The following NTM variants were observed in gnomAD, a reference collection of about 807,000 sequenced individuals.
NTM encodes IgLON family member 2.
Under a neutral mutation model 42.1 loss-of-function variants are expected in NTM, and 13 were observed. The ratio of observed to expected loss-of-function variants is 0.31; its 90% CI spans 0.20 to 0.49. The LOEUF (loss-of-function observed/expected upper bound fraction) is 0.49, where lower values mean the gene tolerates loss of function less well. Among genes scored for constraint, NTM ranks in the 20% least tolerant of loss-of-function variants. The pLI is 0.99. For synonymous variants in NTM, 187 were observed against 179.2 expected (o/e 1.04, Z -0.35); for missense variants, 373 against 452.8 (o/e 0.82, Z 1.60).
intron 1 of NTM, among the ~76,000 whole-genome samples, chr11:131,694,961 G>T (rs1038486808): frequency 6.6e-6 from 1 of 152,158 alleles, no homozygotes; most frequent in Non-Finnish European, 1.5e-5. Context: ...AGCCCCAGCA[G>T]AGGGGCAGTC....
chr11:132,278,877 C>T (rs1366409153), intron 4 of NTM, among the ~76,000 whole-genome samples: 2 of 151,906 alleles, frequency 1.3e-5, no homozygotes, highest in Non-Finnish European at 2.9e-5. Flanking sequence ...TTCATTCAAC[C>T]CCGCAGCTAT....
chr11:132,040,476 C>T (rs1474650616), intron 2 of NTM, among the ~76,000 whole-genome samples: 1 of 152,158 alleles, frequency 6.6e-6, no homozygotes, highest in Non-Finnish European at 1.5e-5. Flanking sequence ...CCTCAGCACA[C>T]CTGAAGGCAT....
chr11:131,673,759 T>C (rs2070841280), intron 1 of NTM, among the ~76,000 whole-genome samples: 1 of 152,168 alleles, frequency 6.6e-6, no homozygotes, highest in Non-Finnish European at 1.5e-5. Flanking sequence ...CCCTCCACTC[T>C]CTCGGCTCTC....
chr11:132,065,681 T>C (rs930875073), intron 2 of NTM, among the ~76,000 whole-genome samples: 11 of 152,230 alleles, frequency 7.2e-5, no homozygotes, highest in African/African-American at 2.2e-4. Context: ...AAATGAAAGA[T>C]GATAAATCAT....
intron 1 of NTM, among the ~76,000 whole-genome samples, chr11:131,409,601 G>A (rs968327126): frequency 2.0e-5 from 3 of 152,254 alleles, no homozygotes; most frequent in Admixed American, 1.3e-4. Context: ...ACCTTGAGAA[G>A]GTCGAGCAGG....
intron 2 of NTM, among the ~76,000 whole-genome samples, chr11:131,985,384 G>C (rs548208129): frequency 2.0e-5 from 3 of 152,022 alleles, no homozygotes; most frequent in Non-Finnish European, 2.9e-5. Context: ...TCCTACTCTT[G>C]GTACCACTTT....
chr11:131,565,116 C>T (rs780182140), intron 1 of NTM, among the ~76,000 whole-genome samples: 8 of 152,184 alleles, frequency 5.3e-5, no homozygotes, highest in East Asian at 1.9e-4. Context: ...GACACCCTGG[C>T]GCGCATGTTG....
At chr11:131,656,207 G>A (rs990802546) in intron 1 of NTM, among the ~76,000 whole-genome samples, 1 of 152,208 alleles carries the variant, frequency 6.6e-6, no homozygotes, top group Non-Finnish European at 1.5e-5. Flanking sequence ...TGCAAGGAAA[G>A]AAAAGACCTC....
intron 4 of NTM, among the ~76,000 whole-genome samples, chr11:132,235,373 T>C (rs1049548537): frequency 5.3e-5 from 8 of 152,220 alleles, no homozygotes; most frequent in Admixed American, 2.0e-4. Flanking sequence ...TATGCATGTG[T>C]GTGTCCAGTC....
chr11:132,066,212 T>C (rs947151958), intron 2 of NTM, among the ~76,000 whole-genome samples: 2 of 152,230 alleles, frequency 1.3e-5, no homozygotes, highest in Non-Finnish European at 1.5e-5. Flanking sequence ...TCTCAGAATG[T>C]GCTGGTCATT....
At chr11:131,918,717 C>T (rs894358047) in intron 2 of NTM, among the ~76,000 whole-genome samples, 7 of 152,072 alleles carry the variant, frequency 4.6e-5, no homozygotes, top group African/African-American at 1.7e-4. Flanking sequence ...TTTGGTTGTC[C>T]CTCCTTGTCG....
At position 132,112,718 on chromosome 11, in the gene NTM, TACACACAC is replaced by T. The variant is rs61630313; in HGVS notation, c.168-33530_168-33523del. Among the ~76,000 whole-genome samples, 1,151 of 142,142 alleles carry T rather than the reference TACACACAC, an allele frequency of 8.1e-3. 7 individuals are homozygous for T. The highest frequency in any genetic ancestry group is 0.024 in the East Asian group (113 of 4,628). 93.3% of individuals were successfully genotyped at this position (142,142 alleles called of 152,430 possible). On this transcript the variant is annotated intron_variant, in intron 2 of 8. Coordinates refer to ENST00000683400, the MANE Select transcript of NTM (RefSeq NM_001352005.2). ...CACACATTTTCTGGGACTGCACACT[TACACACAC>T]ACACACACACACACACACACACACA...
chr11:132,011,505 G>A (rs1211580568), intron 2 of NTM, among the ~76,000 whole-genome samples: 1 of 152,132 alleles, frequency 6.6e-6, no homozygotes, highest in Non-Finnish European at 1.5e-5. Context: ...GACTGTTTAT[G>A]TCTAATGTGT....
chr11:131,914,291 CATCT>C (rs1432351448), intron 2 of NTM, among the ~76,000 whole-genome samples: 4 of 151,964 alleles, frequency 2.6e-5, no homozygotes, highest in African/African-American at 9.7e-5. Flanking sequence ...TCCTTCCTTC[CATCT>C]ATCTTTCTTT....
intron 4 of NTM, among the ~76,000 whole-genome samples, chr11:132,280,193 G>A (rs2093914907): frequency 1.3e-5 from 2 of 152,220 alleles, no homozygotes; most frequent in African/African-American, 4.8e-5. Flanking sequence ...GTACATATAG[G>A]GCAGGGATTG....
rs970697293 is a variant in NTM at position 131,978,121 on chromosome 11, G to A, written c.167+66473G>A. On this transcript the variant is annotated intron_variant, in intron 2 of 8. Transcript: ENST00000683400. ...CTTCTGGAATGCTGAGAATGAGAGC[G>A]CATATCATCTATTCAGTGAGATAAA... 2.0e-4 allele frequency among the ~76,000 whole-genome samples: 31 copies of A among 152,112 alleles called. 1 individual carries two copies. The highest frequency in any genetic ancestry group is 1.0e-3 in the Admixed American group (16 of 15,268).
intron 1 of NTM, among the ~76,000 whole-genome samples, chr11:131,510,523 C>A (rs2048095362): frequency 6.6e-6 from 1 of 152,226 alleles, no homozygotes; most frequent in Non-Finnish European, 1.5e-5. Context: ...TTACCTGTTA[C>A]AAGACTGTGG....
At chr11:132,141,273 T>G (rs1047625852) in intron 2 of NTM, among the ~76,000 whole-genome samples, 2 of 151,448 alleles carry the variant, frequency 1.3e-5, no homozygotes, top group Non-Finnish European at 2.9e-5. Context: ...CCCCTACCCC[T>G]CTCTCTCTAT....
chr11:131,615,296 G>T (rs1031077826), intron 1 of NTM, among the ~76,000 whole-genome samples: 1 of 152,104 alleles, frequency 6.6e-6, no homozygotes, highest in African/African-American at 2.4e-5. Context: ...CATGGGGTTG[G>T]CAGGCGAAGT....
Sources: gnomAD v4.1 joint callset for allele counts (sites outside exome capture counted in the v4.1 genomes callset) on GRCh38, gnomAD v4.1.1 for gene constraint, MANE v1.5 for transcripts, NCBI Gene and HGNC (gene_info 2026-07-23, HGNC 2026-07-21) for gene names.